LRP12: variants seen among roughly 807,000 people sequenced by gnomAD.
The protein encoded by LRP12 is LDL receptor related protein 12, also known as low-density lipoprotein receptor-related protein 12.
Under a neutral mutation model 66.0 loss-of-function variants are expected in LRP12, and 14 were observed. That is an observed-to-expected ratio of 0.21 (90% CI 0.14 to 0.33). LRP12 has a LOEUF of 0.33. Among genes scored for constraint, LRP12 ranks in the 10% least tolerant of loss-of-function variants. LRP12 has a pLI of 1.00. For missense variants in LRP12, 889 were observed against 1,053.4 expected, an observed-to-expected ratio of 0.84 and a Z score of 2.16; for synonymous variants, 357 against 359.1, an observed-to-expected ratio of 0.99 and a Z score of 0.07.
At position 104,552,314 on chromosome 8, in the gene LRP12, G is replaced by A. The variant is rs180922287; in HGVS notation, c.80-20351C>T. On this transcript the variant is annotated intron_variant, in intron 1 of 6. Transcript: ENST00000276654. ...CATTTTTGATCTTCAGTGACTCCTG[G>A]GTTCTTAACAGCTTATAGCCCATCA... Among the ~76,000 whole-genome samples the A allele has an allele frequency of 2.5e-3, 385 of 151,848 alleles. 2 individuals carry two copies. The highest frequency in any genetic ancestry group is 3.9e-3 in the Non-Finnish European group (262 of 67,968).
At chr8:104,569,255 G>A (rs1812045242) in intron 1 of LRP12, among the ~76,000 whole-genome samples, 2 of 152,114 alleles carry the variant, frequency 1.3e-5, no homozygotes, top group African/African-American at 4.8e-5. Flanking sequence ...GTAGTTTCCA[G>A]GGGCTAGAGA....
chr8:104,543,346 T>C (rs1811507295), intron 1 of LRP12, among the ~76,000 whole-genome samples: 1 of 152,144 alleles, frequency 6.6e-6, no homozygotes, highest in Non-Finnish European at 1.5e-5. Flanking sequence ...TTCATTACTA[T>C]TGTATTTGTC....
chr8:104,497,118 A>G lies in LRP12; in HGVS notation c.1434T>C (p.Asp478=). ...CTGGGCAATTTTCTTCATCGCTGCC[A>G]TCACCACAGTCATCTTGAGAATCAC... is the stretch of plus-strand genomic sequence containing the variant. ...WVCDSQDDCG[D]GSDEENCPVI... is the part of the protein sequence containing the mutation. Residue 478 remains aspartate, a synonymous_variant, in exon 5 of 7, where the codon GAT becomes GAC. Transcript: ENST00000276654. The surrounding 1 kb of genome is among the most constrained non-coding windows in gnomAD (Gnocchi z 4.3). 1 of 1,613,584 alleles carries G rather than the reference A, an allele frequency of 6.2e-7. No homozygotes were observed. Among genetic ancestry groups the G allele is most frequent in the Non-Finnish European group, 8.5e-7 (1 of 1,179,704 alleles).
intron 1 of LRP12, among the ~76,000 whole-genome samples, chr8:104,578,819 A>G (rs1564149634): frequency 1.3e-5 from 2 of 152,216 alleles, no homozygotes; most frequent in African/African-American, 2.4e-5. Flanking sequence ...AGAGCTAAAG[A>G]CAAAAACCAC....
chr8:104,558,284 C>T (rs907766607), intron 1 of LRP12, among the ~76,000 whole-genome samples: 9 of 150,674 alleles, frequency 6.0e-5, no homozygotes, highest in African/African-American at 2.2e-4. Context: ...ATAGAGAACC[C>T]AGAAATAAAG....
At chr8:104,568,885 C>T (rs1812040994) in intron 1 of LRP12, among the ~76,000 whole-genome samples, 1 of 152,132 alleles carries the variant, frequency 6.6e-6, no homozygotes, top group Admixed American at 6.5e-5. Flanking sequence ...AAAAGGTAAA[C>T]ACAGAATTAC....
chr8:104,580,358 T>TACAAAAAAA (rs1554712302), intron 1 of LRP12, among the ~76,000 whole-genome samples: 4 of 92,172 alleles, frequency 4.3e-5, no homozygotes, highest in African/African-American at 8.1e-5. Context: ...CTACTAAAAA[T>TACAAAAAAA]AAAAAAAAAA....
At chr8:104,548,250 T>G (rs1418231194) in intron 1 of LRP12, among the ~76,000 whole-genome samples, 2 of 93,506 alleles carry the variant, frequency 2.1e-5, no homozygotes, top group Non-Finnish European at 3.5e-5. Context: ...ATACGATATA[T>G]ATTATATTAA....
intron 1 of LRP12, among the ~76,000 whole-genome samples, chr8:104,576,053 T>C (rs1045659208): frequency 5.3e-5 from 8 of 151,818 alleles, no homozygotes; most frequent in Non-Finnish European, 7.4e-5. Context: ...TGAAACAAGA[T>C]AGTCAGACAA....
At chr8:104,511,384 G>A (rs1367991246) in intron 2 of LRP12, among the ~76,000 whole-genome samples, 1 of 151,624 alleles carries the variant, frequency 6.6e-6, no homozygotes, top group African/African-American at 2.4e-5. Context: ...TGTTGCCCAG[G>A]CTGGAGTGCA....
At chr8:104,543,589 G>A (rs1460983732) in intron 1 of LRP12, among the ~76,000 whole-genome samples, 1 of 152,086 alleles carries the variant, frequency 6.6e-6, no homozygotes. Context: ...TAAGTGTTCA[G>A]GTAAAAGGAA....
rs549904912 is a variant in LRP12 at position 104,580,985 on chromosome 8, A to G, written c.79+7834T>C. 5.3e-5 allele frequency among the ~76,000 whole-genome samples: 8 copies of G among 152,376 alleles called. No individual in the cohort carries two copies. The South Asian group carries it at 1.7e-3, about 32-fold the overall frequency. On this transcript the variant is annotated intron_variant, in intron 1 of 6. Transcript: ENST00000276654. ...TATTATAAAGACACATGCATGTGTT[A>G]TGTTCCTTGTAGCACTGATTCACAA...
intron 5 of LRP12, 127 bp from the exon 6 acceptor site, chr8:104,495,336 G>T: frequency 1.1e-6 from 1 of 942,276 alleles, no homozygotes; most frequent in Non-Finnish European, 1.6e-6. Context: ...TTAGTCATTT[G>T]ACAAACATTT....
In LRP12 at chr8:104,547,787, T is replaced by G. The variant is rs868354988; in HGVS notation, c.80-15824A>C. On this transcript the variant is annotated intron_variant, in intron 1 of 6. Coordinates refer to ENST00000276654, the MANE Select transcript of LRP12 (RefSeq NM_013437.5). ...ATTCTATATTATATTTTGTATATAA[T>G]ATATAATTATATATTATATATAATT... Among the ~76,000 whole-genome samples the G allele has an allele frequency of 4.8e-4, 62 of 129,522 alleles. 2 individuals are homozygous for G. The South Asian group carries it at 0.015, about 31-fold the overall frequency. 85.0% of individuals were successfully genotyped at this position (129,522 alleles called of 152,430 possible).
intron 2 of LRP12, among the ~76,000 whole-genome samples, chr8:104,519,111 G>A (rs1811112525): frequency 6.6e-6 from 1 of 152,054 alleles, no homozygotes; most frequent in African/African-American, 2.4e-5. Context: ...AAATTACTTT[G>A]ATTCAAAAGT....
At chr8:104,525,686 A>G (rs1175260069) in intron 2 of LRP12, among the ~76,000 whole-genome samples, 1 of 152,228 alleles carries the variant, frequency 6.6e-6, no homozygotes, top group African/African-American at 2.4e-5. Context: ...CATTAAGACC[A>G]TATTATATAA....
intron 2 of LRP12, among the ~76,000 whole-genome samples, chr8:104,517,008 A>G (rs1811079667): frequency 6.6e-6 from 1 of 151,954 alleles, no homozygotes; most frequent in Admixed American, 6.6e-5. Flanking sequence ...ATTTTAATAA[A>G]TCACAAAACT....
intron 4 of LRP12, 63 bp from the exon 5 acceptor site, chr8:104,498,139 C>T (rs992179413): frequency 1.0e-5 from 14 of 1,372,744 alleles, no homozygotes; most frequent in South Asian, 3.0e-5. Context: ...CTTTAAAAGA[C>T]ATAAAACAGC....
intron 2 of LRP12, among the ~76,000 whole-genome samples, chr8:104,521,751 A>G (rs960519351): frequency 1.4e-4 from 22 of 151,872 alleles, no homozygotes; most frequent in Non-Finnish European, 4.4e-5. Context: ...TTAATAATCA[A>G]CTAAAATGTA....
Sources: allele counts gnomAD v4.1 joint callset (sites outside exome capture counted in the v4.1 genomes callset), GRCh38; gene constraint gnomAD v4.1.1; non-coding constraint Gnocchi (gnomAD v3.1); transcripts MANE v1.5; gene names NCBI Gene and HGNC (gene_info 2026-07-23, HGNC 2026-07-21).